Variants in PRKN observed in about 807,000 individuals in gnomAD.
PRKN encodes E3 ubiquitin-protein ligase parkin.
In PRKN, 56 loss-of-function variants were observed where a neutral mutation model predicts 59.5. That is an observed-to-expected ratio of 0.94 (90% CI 0.76 to 1.18). The LOEUF (loss-of-function observed/expected upper bound fraction) is 1.18, where lower values mean the gene tolerates loss of function less well. Among genes scored for constraint, PRKN ranks in the 50% most tolerant of loss-of-function variants. PRKN has a pLI of 0.00. For missense variants in PRKN, 657 were observed against 596.4 expected (o/e 1.10, Z -1.06); for synonymous variants, 250 against 222.1 (o/e 1.13, Z -1.12).
intron 1 of PRKN, among the ~76,000 whole-genome samples, chr6:162,449,030 G>A (rs1437340223): frequency 1.3e-5 from 2 of 151,908 alleles, no homozygotes; most frequent in East Asian, 3.9e-4. Context: ...TGCGATTACA[G>A]ATGCCCACCA....
chr6:162,021,442 T>C (rs758108477), intron 5 of PRKN, among the ~76,000 whole-genome samples: 1 of 106,490 alleles, frequency 9.4e-6, no homozygotes, highest in Non-Finnish European at 1.8e-5. Context: ...ACAGGGAATA[T>C]ATATATATAT....
Position 161,371,387 on chromosome 6 carries a change from A to C in PRKN, c.1168-11182T>G, listed in dbSNP as rs1785438117. On this transcript the variant is annotated intron_variant, in intron 10 of 11. Coordinates refer to ENST00000366898, the MANE Select transcript of PRKN (RefSeq NM_004562.3). The surrounding 1 kb of genome is among the most constrained non-coding windows in gnomAD (Gnocchi z 5.5). ...ACCATGTTGGCCAGGCTAGTTTTGAACTCCTGACCTCAGGTGATCTGCCCG... is the reference window on the plus strand; with the variant it reads ...ACCATGTTGGCCAGGCTAGTTTTGACCTCCTGACCTCAGGTGATCTGCCCG... Among the ~76,000 whole-genome samples the C allele has an allele frequency of 6.6e-6, 1 of 150,388 alleles. No individual in the cohort carries two copies. Among genetic ancestry groups the C allele is most frequent in the Non-Finnish European group, 1.5e-5 (1 of 67,634 alleles).
At chr6:161,574,181 G>A (rs944571990) in intron 7 of PRKN, among the ~76,000 whole-genome samples, 4 of 152,198 alleles carry the variant, frequency 2.6e-5, no homozygotes, top group African/African-American at 9.6e-5. Flanking sequence ...GGACACTAGT[G>A]TGGGAAATGG....
At chr6:161,695,034 T>C (rs1785961012) in intron 7 of PRKN, among the ~76,000 whole-genome samples, 1 of 152,102 alleles carries the variant, frequency 6.6e-6, no homozygotes. Context: ...CCAATCTACA[T>C]TGAAGCCTGC....
At chr6:161,620,397 T>G (rs1782853956) in intron 7 of PRKN, among the ~76,000 whole-genome samples, 1 of 152,132 alleles carries the variant, frequency 6.6e-6, no homozygotes, top group Non-Finnish European at 1.5e-5. Context: ...TCCTCGCCAT[T>G]CTCAGGAAAA....
chr6:162,251,114 T>A (rs1241154170), intron 3 of PRKN, among the ~76,000 whole-genome samples: 1 of 152,254 alleles, frequency 6.6e-6, no homozygotes, highest in East Asian at 1.9e-4. Context: ...ATATGATTTG[T>A]CCCAGGCCTA....
chr6:161,789,749 T>A (rs1241038766), intron 6 of PRKN, among the ~76,000 whole-genome samples: 2 of 152,224 alleles, frequency 1.3e-5, no homozygotes, highest in South Asian at 2.1e-4. Flanking sequence ...GAGACCCTAC[T>A]TGCTTAACCC....
At position 161,618,294 on chromosome 6, in the gene PRKN, C is replaced by T. The variant is rs561230087; in HGVS notation, c.872-48878G>A. Among the ~76,000 whole-genome samples, 204 of 152,292 alleles carry T rather than the reference C, an allele frequency of 1.3e-3. 1 individual carries two copies. Among genetic ancestry groups the T allele is most frequent in the Non-Finnish European group, 2.7e-3 (182 of 68,034 alleles). On this transcript the variant is annotated intron_variant, in intron 7 of 11. Transcript: ENST00000366898. Reference sequence around the variant, plus strand: ...GTTATTTGGTTTGATAATCCTTTCCCTCTCCTGACCTTGTTGCCCCAGGAT... The same window carrying T: ...GTTATTTGGTTTGATAATCCTTTCCTTCTCCTGACCTTGTTGCCCCAGGAT...
chr6:162,150,580 A>G (rs1782227417), intron 4 of PRKN, among the ~76,000 whole-genome samples: 1 of 152,178 alleles, frequency 6.6e-6, no homozygotes, highest in South Asian at 2.1e-4. Context: ...CAGATCTCAC[A>G]CCGGGGAAAA....
chr6:162,358,711 T>C (rs1784987472), intron 2 of PRKN, among the ~76,000 whole-genome samples: 2 of 152,074 alleles, frequency 1.3e-5, no homozygotes, highest in African/African-American at 2.4e-5. Context: ...GTGTCTCCTA[T>C]CCCTATCTTA....
chr6:162,427,774 T>C (rs1320971930), intron 2 of PRKN, among the ~76,000 whole-genome samples: 2 of 151,740 alleles, frequency 1.3e-5, no homozygotes, highest in African/African-American at 4.8e-5. Context: ...GCCTCCCGGG[T>C]AGCTGGGACT....
chr6:161,830,765 T>C (rs900421412), intron 6 of PRKN, among the ~76,000 whole-genome samples: 3 of 152,218 alleles, frequency 2.0e-5, no homozygotes, highest in African/African-American at 7.2e-5. Flanking sequence ...ATACTTATGA[T>C]TTTTTACTTA....
chr6:161,501,422 C>T (rs1236199528), intron 9 of PRKN, among the ~76,000 whole-genome samples: 1 of 152,044 alleles, frequency 6.6e-6, no homozygotes, highest in East Asian at 1.9e-4. Flanking sequence ...TATCTTTTTT[C>T]GGTGAGGTTT....
intron 6 of PRKN, among the ~76,000 whole-genome samples, chr6:161,874,133 T>A (rs1441934909): frequency 2.8e-5 from 2 of 71,728 alleles, no homozygotes; most frequent in African/African-American, 1.3e-4. Context: ...ATAATATATA[T>A]TATATGTAAA....
intron 2 of PRKN, among the ~76,000 whole-genome samples, chr6:162,279,242 G>A (rs1200253035): frequency 6.6e-6 from 1 of 151,866 alleles, no homozygotes; most frequent in Non-Finnish European, 1.5e-5. Flanking sequence ...GGAGGCTGAG[G>A]CAAGAGAATC....
chr6:161,380,828 C>A (rs1785943286), intron 10 of PRKN, among the ~76,000 whole-genome samples: 1 of 152,112 alleles, frequency 6.6e-6, no homozygotes, highest in Non-Finnish European at 1.5e-5. Context: ...ACTGACATCA[C>A]AAAATCACAC....
intron 6 of PRKN, among the ~76,000 whole-genome samples, chr6:161,895,287 G>A (rs905611688): frequency 6.6e-6 from 1 of 152,114 alleles, no homozygotes; most frequent in Non-Finnish European, 1.5e-5. Context: ...CACTAGAGTC[G>A]GCAAGAGGAG....
intron 4 of PRKN, among the ~76,000 whole-genome samples, chr6:162,083,341 C>A (rs1779133233): frequency 6.6e-6 from 1 of 152,078 alleles, no homozygotes; most frequent in Non-Finnish European, 1.5e-5. Flanking sequence ...ATGAAGTGGG[C>A]ACATACTGTT....
Position 162,266,770 on chromosome 6 carries a change from G to A in PRKN, c.172-4005C>T, listed in dbSNP as rs183586433. Among the ~76,000 whole-genome samples the A allele has an allele frequency of 1.2e-4, 18 of 152,230 alleles. No individual in the cohort carries two copies. In the East Asian group the frequency reaches 2.1e-3, roughly 18 times the overall value. On this transcript the variant is annotated intron_variant, in intron 2 of 11. Coordinates refer to ENST00000366898, the MANE Select transcript of PRKN (RefSeq NM_004562.3). ...ATGTAAAGAGCTCAGATCCCGATCCGCAATGATACATCGTTGGTAGTATTG... is the reference window on the plus strand; with the variant it reads ...ATGTAAAGAGCTCAGATCCCGATCCACAATGATACATCGTTGGTAGTATTG...
Sources: gnomAD v4.1 joint callset for allele counts (sites outside exome capture counted in the v4.1 genomes callset) on GRCh38, gnomAD v4.1.1 for gene constraint, Gnocchi (gnomAD v3.1) non-coding constraint, MANE v1.5 for transcripts, NCBI Gene and HGNC (gene_info 2026-07-23, HGNC 2026-07-21) for gene names.